Variants in ARL15 observed in about 807,000 individuals in gnomAD.
The protein encoded by ARL15 is ADP-ribosylation factor-like protein 15.
Under a neutral mutation model 25.2 loss-of-function variants are expected in ARL15, and 19 were observed. That is an observed-to-expected ratio of 0.75 (90% CI 0.53 to 1.10). The LOEUF (loss-of-function observed/expected upper bound fraction) is 1.10, where lower values mean the gene tolerates loss of function less well. Among genes scored for constraint, ARL15 ranks in the 50% least tolerant of loss-of-function variants. The pLI is 0.00. For missense variants in ARL15, 220 were observed against 246.0 expected (o/e 0.89, Z 0.71); for synonymous variants, 94 against 86.8 (o/e 1.08, Z -0.46).
intron 4 of ARL15, among the ~76,000 whole-genome samples, chr5:53,940,440 T>C (rs1408773990): frequency 6.6e-6 from 1 of 152,228 alleles, no homozygotes; most frequent in Non-Finnish European, 1.5e-5. Flanking sequence ...TGAAAGAGAT[T>C]AAGAGTAGTA....
At chr5:54,242,656 A>G (rs554371952) in intron 1 of ARL15, among the ~76,000 whole-genome samples, 23 of 152,292 alleles carry the variant, frequency 1.5e-4, no homozygotes, top group South Asian at 1.0e-3. Context: ...GCCACCAGGA[A>G]GGGAAGCCTC....
chr5:54,055,359 T>C (rs1750835160), intron 4 of ARL15, among the ~76,000 whole-genome samples: 1 of 140,020 alleles, frequency 7.1e-6, no homozygotes, highest in Non-Finnish European at 1.5e-5. Flanking sequence ...TTCCTTTTTT[T>C]TTTTTTTTTT....
intron 4 of ARL15, among the ~76,000 whole-genome samples, chr5:54,050,184 G>C (rs1750662882): frequency 6.6e-6 from 1 of 152,168 alleles, no homozygotes; most frequent in South Asian, 2.1e-4. Flanking sequence ...CCTTAAGGCT[G>C]TGTCTAGCAC....
At chr5:54,055,442 C>G (rs1202785504) in intron 4 of ARL15, among the ~76,000 whole-genome samples, 1 of 148,372 alleles carries the variant, frequency 6.7e-6, no homozygotes, top group Non-Finnish European at 1.5e-5. Context: ...CTCACTGCAA[C>G]CTCCATCTCC....
intron 3 of ARL15, among the ~76,000 whole-genome samples, chr5:54,139,220 T>G (rs1283539319): frequency 6.6e-6 from 1 of 152,156 alleles, no homozygotes; most frequent in African/African-American, 2.4e-5. Flanking sequence ...ACACACATGT[T>G]TATCACAGCA....
At chr5:54,298,100 T>G (rs1199030561) in intron 1 of ARL15, among the ~76,000 whole-genome samples, 2 of 152,180 alleles carry the variant, frequency 1.3e-5, no homozygotes, top group African/African-American at 2.4e-5. Context: ...CTACTTTCTA[T>G]GTGCCCTTCC....
In ARL15 at chr5:54,310,423, T is replaced by G. The variant is rs1758867347; in HGVS notation, c.48+9A>C. The G allele has an allele frequency of 2.5e-6, 4 of 1,609,104 alleles. No homozygotes were observed. Among genetic ancestry groups the G allele is most frequent in the Non-Finnish European group, 3.4e-6 (4 of 1,177,890 alleles). On this transcript the variant is annotated intron_variant, in intron 1 of 4. Coordinates refer to ENST00000504924, the MANE Select transcript of ARL15 (RefSeq NM_019087.3). ...GAGAGGCGACATGCCACCCCTGCCC[T>G]GCACCTACCAGATAATCCATGTACA...
At chr5:54,011,227 T>TTCA (rs2111783341) in intron 4 of ARL15, among the ~76,000 whole-genome samples, 1 of 152,084 alleles carries the variant, frequency 6.6e-6, no homozygotes, top group African/African-American at 2.4e-5. Flanking sequence ...ATACTGTGAA[T>TTCA]ATCCAGAGTT....
At chr5:54,076,245 T>A (rs1032550295) in intron 4 of ARL15, among the ~76,000 whole-genome samples, 1 of 148,576 alleles carries the variant, frequency 6.7e-6, no homozygotes, top group African/African-American at 2.4e-5. Flanking sequence ...TGAAACCCCA[T>A]CTCTACTAAA....
chr5:53,980,857 T>C (rs1014128292), intron 4 of ARL15, among the ~76,000 whole-genome samples: 10 of 152,160 alleles, frequency 6.6e-5, no homozygotes, highest in African/African-American at 2.4e-4. Flanking sequence ...GGTTCATTCT[T>C]GCAGTCCCAG....
chr5:53,958,808 A>G (rs1040669883), intron 4 of ARL15, among the ~76,000 whole-genome samples: 7 of 152,220 alleles, frequency 4.6e-5, no homozygotes, highest in African/African-American at 1.4e-4. Flanking sequence ...TTTTTACAAG[A>G]CAAAAAAAGA....
At chr5:54,001,298 T>G (rs1001854356) in intron 4 of ARL15, among the ~76,000 whole-genome samples, 11 of 152,186 alleles carry the variant, frequency 7.2e-5, no homozygotes, top group Non-Finnish European at 1.6e-4. Context: ...CTTTTCCATC[T>G]CTTTATCACA....
chr5:54,261,790 G>A (rs1004306365), intron 1 of ARL15, among the ~76,000 whole-genome samples: 11 of 151,880 alleles, frequency 7.2e-5, no homozygotes, highest in Admixed American at 1.3e-4. Flanking sequence ...CCGTTTTTTC[G>A]GGAGGGTGGG....
At chr5:54,102,320 A>AAAAT (rs1561224546) in intron 4 of ARL15, among the ~76,000 whole-genome samples, 2 of 152,074 alleles carry the variant, frequency 1.3e-5, no homozygotes, top group Non-Finnish European at 2.9e-5. Context: ...CCTAATAAAT[A>AAAAT]CCACTTTAAA....
chr5:53,918,055 G>T (rs941083899), intron 4 of ARL15, among the ~76,000 whole-genome samples: 1 of 152,082 alleles, frequency 6.6e-6, no homozygotes, highest in South Asian at 2.1e-4. Context: ...GATAACTGAG[G>T]CTTCAGTTTG....
intron 4 of ARL15, among the ~76,000 whole-genome samples, chr5:53,992,597 G>GA (rs1427042134): frequency 1.3e-5 from 2 of 152,040 alleles, no homozygotes; most frequent in Non-Finnish European, 2.9e-5. Context: ...GTTATACTAG[G>GA]AAAAAACATT....
intron 4 of ARL15, among the ~76,000 whole-genome samples, chr5:53,929,653 G>A (rs1453401629): frequency 1.3e-5 from 2 of 152,168 alleles, no homozygotes; most frequent in Non-Finnish European, 2.9e-5. Flanking sequence ...TAAAAGCAAA[G>A]TATTTCATGC....
chr5:54,139,787 G>A (rs1023445505), intron 3 of ARL15, among the ~76,000 whole-genome samples: 7 of 152,004 alleles, frequency 4.6e-5, no homozygotes, highest in African/African-American at 1.2e-4. Context: ...AGCTGAGATC[G>A]TCCCACTGCA....
intron 4 of ARL15, among the ~76,000 whole-genome samples, chr5:54,010,031 A>T (rs985216636): frequency 9.2e-5 from 14 of 152,190 alleles, no homozygotes; most frequent in Non-Finnish European, 1.8e-4. Flanking sequence ...ACCAACACAT[A>T]AGGCCACAAA....
Sources: gnomAD v4.1 joint callset for allele counts (sites outside exome capture counted in the v4.1 genomes callset) on GRCh38, gnomAD v4.1.1 for gene constraint, MANE v1.5 for transcripts, NCBI Gene and HGNC (gene_info 2026-07-23, HGNC 2026-07-21) for gene names.